The following ARHGEF4 variants were observed in gnomAD, a reference collection of about 807,000 sequenced individuals.
ARHGEF4 encodes APC-stimulated guanine nucleotide exchange factor 1.
In ARHGEF4, 119 loss-of-function variants were observed where a neutral mutation model predicts 162.0. The ratio of observed to expected loss-of-function variants is 0.73; its 90% CI spans 0.63 to 0.86. The LOEUF is 0.86. ARHGEF4 is among the 40% of genes least tolerant of loss of function. The probability of loss-of-function intolerance (pLI) is 0.00; values close to 1 mark genes in which losing one functional copy is unlikely to be tolerated. For missense variants in ARHGEF4, 2,488 were observed against 2,456.0 expected, an observed-to-expected ratio of 1.01 and a Z score of -0.28; for synonymous variants, 1,014 against 979.9, an observed-to-expected ratio of 1.03 and a Z score of -0.65.
chr2:130,875,424 G>A (rs759216992), intron 1 of ARHGEF4, among the ~76,000 whole-genome samples: 17 of 152,114 alleles, frequency 1.1e-4, no homozygotes, highest in Non-Finnish European at 1.9e-4. Context: ...CTGGAGGCTG[G>A]GAAGTGCAAG....
intron 4 of ARHGEF4, among the ~76,000 whole-genome samples, chr2:130,988,501 C>G (rs1422361120): frequency 1.3e-5 from 2 of 151,944 alleles, no homozygotes; most frequent in African/African-American, 4.8e-5. Flanking sequence ...GAAATTTTAC[C>G]AAAAAAATCA....
intron 3 of ARHGEF4, among the ~76,000 whole-genome samples, chr2:130,938,952 A>G (rs1188696154): frequency 6.6e-6 from 1 of 152,158 alleles, no homozygotes; most frequent in African/African-American, 2.4e-5. Context: ...CAGGTTTGTT[A>G]TATAGGTAAA....
At chr2:130,848,784 T>C (rs911204025) in intron 1 of ARHGEF4, among the ~76,000 whole-genome samples, 15 of 152,046 alleles carry the variant, frequency 9.9e-5, no homozygotes, top group African/African-American at 3.6e-4. Context: ...TGGTTGTCAG[T>C]GTGAGTGGGA....
intron 1 of ARHGEF4, among the ~76,000 whole-genome samples, chr2:130,909,248 C>T (rs181382984): frequency 1.3e-4 from 20 of 152,142 alleles, no homozygotes; most frequent in Non-Finnish European, 2.2e-4. Flanking sequence ...TGTGAGAAGC[C>T]GGAAACTGGG....
intron 1 of ARHGEF4, among the ~76,000 whole-genome samples, chr2:130,842,722 G>A (rs943498709): frequency 1.3e-5 from 2 of 152,188 alleles, no homozygotes; most frequent in African/African-American, 2.4e-5. Context: ...GCTTCAACTA[G>A]GTGAAATCCG....
At chr2:130,974,641 T>G (rs943739146) in intron 4 of ARHGEF4, among the ~76,000 whole-genome samples, 2 of 151,214 alleles carry the variant, frequency 1.3e-5, no homozygotes, top group Non-Finnish European at 2.9e-5. Flanking sequence ...TTTGTATTTT[T>G]TGTAGAGACA....
In ARHGEF4 at chr2:131,046,254, G is replaced by A. The variant is rs544648779; in HGVS notation, c.*65G>A. The A allele has an allele frequency of 6.0e-4, 917 of 1,516,210 alleles. 18 individuals carry two copies. In the South Asian group the frequency reaches 0.01, roughly 17 times the overall value. The allele number at this position is 1,516,210 out of a possible 1,614,324, so 93.9% of individuals were successfully genotyped here. A position where few individuals can be genotyped will look rare whatever the true frequency, so the allele number is the denominator to read the frequency against. ...CAGTGGCCCCCAGTTTTTCTTCCCC[G>A]AGGCCCACTCGGCCTGGCCTTCCTC... is the stretch of plus-strand genomic sequence containing the variant. On this transcript the variant is annotated 3_prime_UTR_variant, in exon 14 of 14. Transcript: ENST00000409359.
intron 4 of ARHGEF4, among the ~76,000 whole-genome samples, chr2:131,007,056 C>T (rs1688162444): frequency 2.0e-5 from 3 of 152,158 alleles, no homozygotes; most frequent in Admixed American, 2.0e-4. Flanking sequence ...AGTGAAATTG[C>T]AGAAGAAATT....
chr2:131,039,057 C>T (rs754646634), intron 6 of ARHGEF4, 25 bp downstream of exon 6: 2 of 1,584,730 alleles, frequency 1.3e-6, no homozygotes, highest in East Asian at 2.3e-5. Context: ...CCCAGCTTCT[C>T]CCAAGTTGGG....
chr2:131,025,336 C>T (rs943414354), intron 4 of ARHGEF4, among the ~76,000 whole-genome samples: 7 of 152,220 alleles, frequency 4.6e-5, no homozygotes, highest in African/African-American at 1.7e-4. Flanking sequence ...CCCCATGATC[C>T]AATCACCTTC....
chr2:130,870,341 C>T (rs577256310), intron 1 of ARHGEF4, among the ~76,000 whole-genome samples: 1 of 152,204 alleles, frequency 6.6e-6, no homozygotes, highest in South Asian at 2.1e-4. Context: ...GATGGAGCAA[C>T]GGGCATGCTG....
At chr2:130,969,787 C>G (rs1324060782) in intron 4 of ARHGEF4, among the ~76,000 whole-genome samples, 1 of 152,030 alleles carries the variant, frequency 6.6e-6, no homozygotes, top group African/African-American at 2.4e-5. Context: ...ATGAGTGAGG[C>G]CCTTTGTGGT....
chr2:130,843,922 G>GT (rs1232898267), intron 1 of ARHGEF4, among the ~76,000 whole-genome samples: 1 of 152,162 alleles, frequency 6.6e-6, no homozygotes, highest in Non-Finnish European at 1.5e-5. Flanking sequence ...CCAAACTTGG[G>GT]TGGAGCACAG....
chr2:130,889,590 A>G (rs368237800), intron 1 of ARHGEF4, among the ~76,000 whole-genome samples: 3 of 151,864 alleles, frequency 2.0e-5, no homozygotes, highest in African/African-American at 7.3e-5. Context: ...AGGCAGGTGA[A>G]TCATGAGGTT....
At chr2:131,002,154 G>A (rs997018093) in intron 4 of ARHGEF4, among the ~76,000 whole-genome samples, 5 of 152,188 alleles carry the variant, frequency 3.3e-5, no homozygotes, top group Admixed American at 6.5e-5. Context: ...CAAGGTGCAC[G>A]CAATGCCCTG....
intron 2 of ARHGEF4, among the ~76,000 whole-genome samples, chr2:130,926,038 T>TTC (rs1343037328): frequency 2.1e-4 from 22 of 105,094 alleles, no homozygotes; most frequent in African/African-American, 1.2e-3. Context: ...CTTTCTTTCT[T>TTC]TCTTTCTTTC....
chr2:131,019,886 G>A (rs962860963), intron 4 of ARHGEF4, among the ~76,000 whole-genome samples: 4 of 151,972 alleles, frequency 2.6e-5, no homozygotes, highest in Non-Finnish European at 5.9e-5. Flanking sequence ...CGCCCGCCTC[G>A]GCCTCCCAAA....
At chr2:130,976,560 A>G (rs1171036375) in intron 4 of ARHGEF4, among the ~76,000 whole-genome samples, 3 of 152,342 alleles carry the variant, frequency 2.0e-5, no homozygotes, top group African/African-American at 7.2e-5. Flanking sequence ...TAACTGTGCC[A>G]GCCAGTGATT....
At chr2:130,908,752 C>A (rs1260593089) in intron 1 of ARHGEF4, among the ~76,000 whole-genome samples, 3 of 152,020 alleles carry the variant, frequency 2.0e-5, no homozygotes, top group Non-Finnish European at 4.4e-5. Flanking sequence ...AAAAGGCAAG[C>A]CACAGACTGG....
Sources: allele counts gnomAD v4.1 joint callset (sites outside exome capture counted in the v4.1 genomes callset), GRCh38; gene constraint gnomAD v4.1.1; transcripts MANE v1.5; gene names NCBI Gene and HGNC (gene_info 2026-07-23, HGNC 2026-07-21).